The following CMBL variants were observed in gnomAD, a reference collection of about 807,000 sequenced individuals.
CMBL encodes carboxymethylenebutenolidase homolog.
Under a neutral mutation model 28.7 loss-of-function variants are expected in CMBL, and 17 were observed. The observed-to-expected ratio is 0.59, with a 90% confidence interval of 0.41 to 0.89. The LOEUF is 0.89. CMBL is among the 40% of genes least tolerant of loss of function. CMBL has a pLI of 0.00. For missense variants in CMBL, 310 were observed against 298.5 expected (o/e 1.04, Z -0.28); for synonymous variants, 106 against 101.6 (o/e 1.04, Z -0.26).
At chr5:10,291,391 G>A (rs980168133) in intron 1 of CMBL, among the ~76,000 whole-genome samples, 9 of 152,114 alleles carry the variant, frequency 5.9e-5, no homozygotes, top group South Asian at 2.1e-4. Flanking sequence ...GGCCGGGCGC[G>A]GTGGCTCACG....
chr5:10,297,537 C>G (rs563171302), intron 1 of CMBL, among the ~76,000 whole-genome samples: 21 of 149,498 alleles, frequency 1.4e-4, no homozygotes, highest in African/African-American at 4.9e-4. Context: ...CCATTTCACT[C>G]CAGCCCGGAC....
intron 1 of CMBL, among the ~76,000 whole-genome samples, chr5:10,300,849 AT>A (rs1020650991): frequency 2.0e-4 from 29 of 147,276 alleles, no homozygotes; most frequent in South Asian, 4.2e-4. Context: ...ATATATTTAT[AT>A]TTTTTATATA....
At chr5:10,287,717 TC>T (rs1746629502) in intron 3 of CMBL, among the ~76,000 whole-genome samples, 5 of 151,290 alleles carry the variant, frequency 3.3e-5, no homozygotes, top group African/African-American at 1.2e-4. Flanking sequence ...TTAATTAATT[TC>T]TTTTTTTTTT....
chr5:10,288,483 A>C lies in CMBL; in HGVS notation c.262T>G (p.Ser88Ala). The part of the protein sequence containing the change: ...FFVGQEPWDP[S>A]GDWSIFPEWL... The stretch of plus-strand genomic sequence containing the variant: ...TCAGGGAAGATAGACCAGTCGCCAG[A>C]GGGGTCCCAAGGCTCTTGCCCTACA... Residue 88 changes from serine to alanine, a missense_variant, in exon 3 of 6, where the codon TCT (serine) becomes GCT (alanine). Ser to Ala is a moderately conservative substitution (Grantham distance 99). Coordinates refer to ENST00000296658, the MANE Select transcript of CMBL (RefSeq NM_138809.4). The C allele has an allele frequency of 6.2e-7, 1 of 1,614,082 alleles. No homozygotes were observed. The highest frequency in any genetic ancestry group is 1.1e-5 in the South Asian group (1 of 91,080).
At chr5:10,288,298 G>T (rs1451298851) in intron 3 of CMBL, 124 bp downstream of exon 3, 9 of 715,612 alleles carry the variant, frequency 1.3e-5, no homozygotes, top group Non-Finnish European at 1.9e-5. Context: ...CCAGGGGAAG[G>T]ATTCCATTGG....
At position 10,292,812 on chromosome 5, in the gene CMBL, G is replaced by A. The variant is rs568698309; in HGVS notation, c.-19-2031C>T. On this transcript the variant is annotated intron_variant, in intron 1 of 5. Transcript: ENST00000296658. ...GCACTCCAGCCTGGGCAACAAGAGC[G>A]AGGCTCTGTCTCACAAAAAAAAAAA... Among the ~76,000 whole-genome samples the A allele has an allele frequency of 2.2e-3, 309 of 137,626 alleles. 2 individuals are homozygous for A. Among genetic ancestry groups the A allele is most frequent in the African/African-American group, 7.9e-3 (287 of 36,184 alleles). 90.3% of individuals were successfully genotyped at this position (137,626 alleles called of 152,430 possible).
In CMBL at chr5:10,290,891, T is replaced by G. The variant is rs1415004353; in HGVS notation, c.-19-110A>C. The G allele has an allele frequency of 3.0e-5, 23 of 777,046 alleles. No individual in the cohort carries two copies. In the South Asian group the frequency reaches 4.1e-4, roughly 14 times the overall value. The allele number at this position is 777,046 out of a possible 1,614,324, so 48.1% of individuals were successfully genotyped here. On this transcript the variant is annotated intron_variant, in intron 1 of 5. Transcript: ENST00000296658. ...TAGAAAAAAATTCATTTTAGCTACA[T>G]CTATGGTATTATGTGAGAAACCAAT... is the stretch of plus-strand genomic sequence containing the variant.
chr5:10,281,238 G>A (rs1242529968), intron 5 of CMBL, among the ~76,000 whole-genome samples: 1 of 151,816 alleles, frequency 6.6e-6, no homozygotes, highest in Non-Finnish European at 1.5e-5. Flanking sequence ...TTTCTTAAGA[G>A]TCAGGGTCTC....
At chr5:10,306,403 G>C (rs989996669) in intron 1 of CMBL, among the ~76,000 whole-genome samples, 4 of 152,132 alleles carry the variant, frequency 2.6e-5, no homozygotes, top group African/African-American at 9.7e-5. Flanking sequence ...GGGAAGAGAG[G>C]TCTGCAAAGT....
intron 1 of CMBL, among the ~76,000 whole-genome samples, chr5:10,291,489 C>T (rs1005117221): frequency 6.6e-5 from 10 of 152,020 alleles, no homozygotes; most frequent in African/African-American, 2.2e-4. Context: ...GGTGAAACCC[C>T]GTCTCTACTA....
chr5:10,294,966 A>G (rs1470812572), intron 1 of CMBL, among the ~76,000 whole-genome samples: 1 of 152,222 alleles, frequency 6.6e-6, no homozygotes, highest in Non-Finnish European at 1.5e-5. Context: ...GCTGGGTAAC[A>G]CGATAGAAGT....
Position 10,278,239 on chromosome 5 carries a change from C to T in CMBL, c.*2214G>A, listed in dbSNP as rs1262709899. Among the ~76,000 whole-genome samples, 1 of 152,230 alleles carries T rather than the reference C, an allele frequency of 6.6e-6. No individual in the cohort carries two copies. The highest frequency in any genetic ancestry group is 1.5e-5 in the Non-Finnish European group (1 of 68,048). ...TATTTGAATGTAAGTTGGACTTTCT[C>T]ATACTAGAAGCAGGGATTAGTAACA... On this transcript the variant is annotated 3_prime_UTR_variant, in exon 6 of 6. Transcript: ENST00000296658.
intron 5 of CMBL, 147 bp from the exon 6 acceptor site, chr5:10,280,779 A>AT (rs1373028663): frequency 2.4e-5 from 18 of 741,998 alleles, no homozygotes; most frequent in Non-Finnish European, 3.3e-5. Context: ...TTTCCCACTA[A>AT]TTTTTTTCTT....
intron 2 of CMBL, 58 bp from the exon 3 acceptor site, chr5:10,288,587 G>C: frequency 7.6e-7 from 1 of 1,320,754 alleles, no homozygotes; most frequent in Non-Finnish European, 1.1e-6. Context: ...TCAGTATTTT[G>C]CTTGCATTTA....
chr5:10,282,220 C>T lies in CMBL; in HGVS notation c.535G>A (p.Asp179Asn). The T allele has an allele frequency of 2.5e-6, 4 of 1,611,822 alleles. No homozygotes were observed. The South Asian group carries it at 3.3e-5, about 13-fold the overall frequency. ...NPTLFIFAEN[D>N]VVIPLKDVSL... ...ACGTCCTTGAGTGGAATCACAACATCATTTTCAGCAAAAATGAACAAAGTG... is the reference window on the plus strand; with the variant it reads ...ACGTCCTTGAGTGGAATCACAACATTATTTTCAGCAAAAATGAACAAAGTG... Residue 179 changes from aspartate (D) to asparagine (N), a missense_variant, in exon 5 of 6, where the codon GAT (aspartate) becomes AAT (asparagine). Coordinates refer to ENST00000296658, the MANE Select transcript of CMBL (RefSeq NM_138809.4).
chr5:10,288,615 T>C (rs1236553433), intron 2 of CMBL, 86 bp from the exon 3 acceptor site: 3 of 1,031,808 alleles, frequency 2.9e-6, no homozygotes, highest in East Asian at 4.9e-5. Flanking sequence ...ACTTGCTACG[T>C]TGGCGATTCT....
chr5:10,299,754 G>A (rs548354189), intron 1 of CMBL, among the ~76,000 whole-genome samples: 25 of 152,182 alleles, frequency 1.6e-4, no homozygotes, highest in African/African-American at 5.8e-4. Flanking sequence ...AGGAGGCTGA[G>A]GTGGAAGGAT....
At chr5:10,295,382 G>A (rs191584914) in intron 1 of CMBL, among the ~76,000 whole-genome samples, 108 of 152,280 alleles carry the variant, frequency 7.1e-4, no homozygotes, top group Middle Eastern at 6.8e-3. Context: ...ACTGTGCCTG[G>A]CCATACCTGC....
At position 10,280,434 on chromosome 5, in the gene CMBL, G is replaced by C; in HGVS notation, c.*19C>G. 1.3e-6 allele frequency: 2 copies of C among 1,554,642 alleles called. No individual in the cohort carries two copies. Among genetic ancestry groups the C allele is most frequent in the Non-Finnish European group, 1.8e-6 (2 of 1,139,058 alleles). On this transcript the variant is annotated 3_prime_UTR_variant, in exon 6 of 6. Coordinates refer to ENST00000296658, the MANE Select transcript of CMBL (RefSeq NM_138809.4). ...TTTGGGATGAAAGCTATTCTAGGAA[G>C]GCTTGCCCTTGATTCTTGCTACATG...
Sources: gnomAD v4.1 joint callset for allele counts (sites outside exome capture counted in the v4.1 genomes callset) on GRCh38, gnomAD v4.1.1 for gene constraint, MANE v1.5 for transcripts, NCBI Gene and HGNC (gene_info 2026-07-23, HGNC 2026-07-21) for gene names.